Variants in SLC41A2 observed in about 807,000 individuals in gnomAD.
SLC41A2 encodes the protein SLC41A1-like 1.
A neutral mutation model predicts 58.3 loss-of-function variants in SLC41A2; 32 were observed. The ratio of observed to expected loss-of-function variants is 0.55; its 90% CI spans 0.41 to 0.74. The LOEUF (loss-of-function observed/expected upper bound fraction) is 0.74. SLC41A2 is among the 30% of genes least tolerant of loss of function. The pLI, the probability that SLC41A2 is intolerant of heterozygous loss-of-function variation, is 0.00. For synonymous variants in SLC41A2, 190 were observed against 235.0 expected, an observed-to-expected ratio of 0.81 and a Z score of 1.75; for missense variants, 514 against 680.6, an observed-to-expected ratio of 0.76 and a Z score of 2.72.
chr12:104,835,053 TTGATGA>T (rs557573986), intron 10 of SLC41A2, among the ~76,000 whole-genome samples: 1 of 152,162 alleles, frequency 6.6e-6, no homozygotes, highest in Admixed American at 6.5e-5. Flanking sequence ...TCCATAGCTA[TTGATGA>T]TGATGATGTT....
intron 6 of SLC41A2, among the ~76,000 whole-genome samples, chr12:104,877,570 CT>C (rs555140018): frequency 3.9e-5 from 6 of 152,050 alleles, no homozygotes; most frequent in Non-Finnish European, 7.4e-5. Context: ...TTCCATTTTA[CT>C]TTTTTTATTT....
chr12:104,860,000 C>T (rs978350538), intron 8 of SLC41A2, among the ~76,000 whole-genome samples: 21 of 152,130 alleles, frequency 1.4e-4, no homozygotes, highest in African/African-American at 2.4e-4. Flanking sequence ...GCCTTGGCCT[C>T]GCAAAGTACT....
At chr12:104,942,820 G>A (rs1347615330) in intron 1 of SLC41A2, among the ~76,000 whole-genome samples, 1 of 152,036 alleles carries the variant, frequency 6.6e-6, no homozygotes, top group African/African-American at 2.4e-5. Flanking sequence ...ACTCTATCTT[G>A]TTACACAGAG....
chr12:104,878,299 TTATATA>T (rs55670022), intron 6 of SLC41A2, among the ~76,000 whole-genome samples: 14,135 of 139,750 alleles, frequency 0.1, 977 homozygotes, highest in African/African-American at 0.19. Context: ...TACCTGTATT[TTATATA>T]TATATATATA....
chr12:104,904,947 T>TG (rs1435989555), intron 3 of SLC41A2, among the ~76,000 whole-genome samples: 1 of 152,166 alleles, frequency 6.6e-6, no homozygotes, highest in African/African-American at 2.4e-5. Context: ...GGGTTACCAA[T>TG]GCTGGCTCGG....
In SLC41A2 at chr12:104,886,455, T is replaced by C. The variant is rs565918924; in HGVS notation, c.881-16A>G. On this transcript the variant is annotated splice_polypyrimidine_tract_variant and intron_variant, in intron 5 of 10. Coordinates refer to ENST00000258538, the MANE Select transcript of SLC41A2 (RefSeq NM_001352171.3). ...ATTATTATTCCTAGAAGAAAGAATGTTCATTACTTTTTAGGCTATGATTTA... is the reference window on the plus strand; with the variant it reads ...ATTATTATTCCTAGAAGAAAGAATGCTCATTACTTTTTAGGCTATGATTTA... The C allele has an allele frequency of 5.6e-6, 9 of 1,609,216 alleles. No homozygotes were observed. Among genetic ancestry groups the C allele is most frequent in the Middle Eastern group, 1.7e-4 (1 of 6,038 alleles).
intron 6 of SLC41A2, among the ~76,000 whole-genome samples, chr12:104,872,245 A>C (rs1193043737): frequency 6.6e-6 from 1 of 152,224 alleles, no homozygotes; most frequent in East Asian, 1.9e-4. Context: ...TACCAGGGTA[A>C]AAACTTTAAC....
rs1034388318 is a variant in SLC41A2, at chr12:104,926,957, G to A, written c.555+1016C>T. 3.4e-4 allele frequency among the ~76,000 whole-genome samples: 51 copies of A among 152,038 alleles called. 1 individual carries two copies. The highest frequency in any genetic ancestry group is 9.4e-4 in the African/African-American group (39 of 41,476). On this transcript the variant is annotated intron_variant, in intron 2 of 10. Coordinates refer to ENST00000258538, the MANE Select transcript of SLC41A2 (RefSeq NM_001352171.3). Reference sequence around the variant, plus strand: ...TTTTTTAATTAGTGAGGTGTAGTGCGCCTGTAGTACCAGCCACTCAAGAGG... The same window carrying A: ...TTTTTTAATTAGTGAGGTGTAGTGCACCTGTAGTACCAGCCACTCAAGAGG...
chr12:104,955,386 T>G (rs1337421880), intron 1 of SLC41A2, among the ~76,000 whole-genome samples: 1 of 152,176 alleles, frequency 6.6e-6, no homozygotes, highest in Non-Finnish European at 1.5e-5. Context: ...CAGCTTCCAC[T>G]GTCCCCCAGG....
At chr12:104,860,059 A>G (rs1253176216) in intron 8 of SLC41A2, among the ~76,000 whole-genome samples, 5 of 152,094 alleles carry the variant, frequency 3.3e-5, no homozygotes, top group African/African-American at 4.8e-5. Context: ...TTTTCTTTTT[A>G]CATAGATATG....
chr12:104,896,249 AC>A (rs927403795), intron 3 of SLC41A2, among the ~76,000 whole-genome samples: 1 of 152,200 alleles, frequency 6.6e-6, no homozygotes, highest in Non-Finnish European at 1.5e-5. Flanking sequence ...TGCTATATAA[AC>A]ATTTCCTCTA....
At chr12:104,860,275 T>C (rs547423351) in intron 8 of SLC41A2, among the ~76,000 whole-genome samples, 1 of 151,612 alleles carries the variant, frequency 6.6e-6, no homozygotes, top group East Asian at 1.9e-4. Context: ...GACAAATAAC[T>C]CATGCATGCG....
intron 4 of SLC41A2, among the ~76,000 whole-genome samples, chr12:104,892,317 A>AC (rs2045036580): frequency 7.3e-6 from 1 of 136,412 alleles, no homozygotes. Context: ...AAAATAAAAT[A>AC]AAATAAAATA....
intron 10 of SLC41A2, among the ~76,000 whole-genome samples, chr12:104,816,208 A>C (rs1184638344): frequency 1.3e-5 from 2 of 152,192 alleles, no homozygotes; most frequent in African/African-American, 2.4e-5. Context: ...GTAGATACGA[A>C]AAAACAAAAA....
chr12:104,899,564 T>C (rs2045459490), intron 3 of SLC41A2, among the ~76,000 whole-genome samples: 2 of 152,202 alleles, frequency 1.3e-5, no homozygotes, highest in Non-Finnish European at 1.5e-5. Flanking sequence ...CCTTTTAGTA[T>C]AGCCCTTTGA....
chr12:104,889,709 C>G (rs1279618535), intron 4 of SLC41A2, among the ~76,000 whole-genome samples: 1 of 152,164 alleles, frequency 6.6e-6, no homozygotes, highest in Non-Finnish European at 1.5e-5. Context: ...AGATTATTCC[C>G]TGCCCTCACA....
chr12:104,957,517 A>C (rs913486823), intron 1 of SLC41A2, among the ~76,000 whole-genome samples: 4 of 152,222 alleles, frequency 2.6e-5, no homozygotes, highest in Non-Finnish European at 5.9e-5. Flanking sequence ...TGTGATGTAT[A>C]TCTCAATTTA....
At chr12:104,835,759 T>C (rs2042188748) in intron 10 of SLC41A2, among the ~76,000 whole-genome samples, 1 of 152,158 alleles carries the variant, frequency 6.6e-6, no homozygotes, top group African/African-American at 2.4e-5. Flanking sequence ...AAGTTGAAGA[T>C]CTAATGAAAC....
At chr12:104,903,084 G>A (rs2045635170) in intron 3 of SLC41A2, among the ~76,000 whole-genome samples, 1 of 152,112 alleles carries the variant, frequency 6.6e-6, no homozygotes, top group Non-Finnish European at 1.5e-5. Flanking sequence ...TTTAATTTCA[G>A]TTAATCCATC....
Sources: gnomAD v4.1 joint callset for allele counts (sites outside exome capture counted in the v4.1 genomes callset) on GRCh38, gnomAD v4.1.1 for gene constraint, MANE v1.5 for transcripts, NCBI Gene and HGNC (gene_info 2026-07-23, HGNC 2026-07-21) for gene names.